The following PRDM16 variants were observed in gnomAD, a reference collection of about 807,000 sequenced individuals.
The protein encoded by PRDM16 is PR/SET domain 16, also known as histone-lysine N-methyltransferase PRDM16.
In PRDM16, 23 loss-of-function variants were observed where a neutral mutation model predicts 110.6. That is an observed-to-expected ratio of 0.21 (90% CI 0.15 to 0.29). PRDM16 has a LOEUF of 0.29. Ranked by LOEUF, PRDM16 falls within the 10% of genes least tolerant of loss-of-function variation. PRDM16 has a pLI of 1.00. For missense variants in PRDM16, 1,615 were observed against 1,794.3 expected, an observed-to-expected ratio of 0.90 and a Z score of 1.81; for synonymous variants, 799 against 781.8, an observed-to-expected ratio of 1.02 and a Z score of -0.37.
intron 2 of PRDM16, among the ~76,000 whole-genome samples, chr1:3,228,262 A>G (rs16823558): frequency 0.06 from 9,104 of 152,292 alleles, 502 homozygotes; most frequent in African/African-American, 0.15. Context: ...CACTCGCGAT[A>G]AACGAGACGC....
At chr1:3,391,782 C>T (rs752182034) in intron 4 of PRDM16, among the ~76,000 whole-genome samples, 1 of 152,380 alleles carries the variant, frequency 6.6e-6, no homozygotes, top group Admixed American at 6.5e-5. Flanking sequence ...CTCCTCCAGC[C>T]GCTCAGCACG....
chr1:3,181,728 A>ACG (rs1553141254), intron 1 of PRDM16, among the ~76,000 whole-genome samples: 2 of 90,134 alleles, frequency 2.2e-5, no homozygotes, highest in Admixed American at 2.6e-4. Flanking sequence ...AGTCTTACAC[A>ACG]CGGTCTTACA....
chr1:3,159,309 G>A (rs1040796813), intron 1 of PRDM16, among the ~76,000 whole-genome samples: 10 of 152,216 alleles, frequency 6.6e-5, no homozygotes, highest in African/African-American at 2.2e-4. Context: ...ATCACGATGC[G>A]CCTCGCAGAC....
At chr1:3,097,784 G>A (rs562624288) in intron 1 of PRDM16, among the ~76,000 whole-genome samples, 90 of 152,264 alleles carry the variant, frequency 5.9e-4, no homozygotes, top group Middle Eastern at 3.4e-3. Flanking sequence ...GGGAGGCAGC[G>A]CCTTCTGTTT....
intron 1 of PRDM16, among the ~76,000 whole-genome samples, chr1:3,083,326 C>G (rs6683976): frequency 0.55 from 84,075 of 152,134 alleles, 23,955 homozygotes; most frequent in East Asian, 0.65. Context: ...CTGTCCTGGA[C>G]TGGGCGGCGC....
Position 3,245,342 on chromosome 1 carries a change from C to T in PRDM16, c.438+1205C>T, listed in dbSNP as rs1216042815. Among the ~76,000 whole-genome samples, 1 of 152,176 alleles carries T rather than the reference C, an allele frequency of 6.6e-6. No individual in the cohort carries two copies. Among genetic ancestry groups the T allele is most frequent in the East Asian group, 1.9e-4 (1 of 5,184 alleles). On this transcript the variant is annotated intron_variant, in intron 3 of 16. Transcript: ENST00000270722. The surrounding 1 kb of genome is among the most constrained non-coding windows in gnomAD (Gnocchi z 4.7). ...GAGCCGAGGCATTTGGGCAGAGCTG[C>T]CTACGAGGGACAGGGGACCCACCAT... is the stretch of plus-strand genomic sequence containing the variant.
In PRDM16 at chr1:3,396,183, G is replaced by T. The variant is rs374664136; in HGVS notation, c.574-308G>T. The T allele has an allele frequency of 1.2e-4, 55 of 448,590 alleles. No individual in the cohort carries two copies. The East Asian group carries it at 3.1e-3, about 25-fold the overall frequency. The allele number at this position is 448,590 out of a possible 1,614,324, so 27.8% of individuals were successfully genotyped here. ...GAGAACCCACCCAGGTGGGCTCTTGGTGGAAGCGGGGCTCTGCTGTGCCCC... is the reference window on the plus strand; with the variant it reads ...GAGAACCCACCCAGGTGGGCTCTTGTTGGAAGCGGGGCTCTGCTGTGCCCC... On this transcript the variant is annotated intron_variant, in intron 4 of 16. Transcript: ENST00000270722.
intron 1 of PRDM16, among the ~76,000 whole-genome samples, chr1:3,097,026 G>T (rs533480164): frequency 6.6e-6 from 1 of 152,208 alleles, no homozygotes; most frequent in Non-Finnish European, 1.5e-5. Context: ...TGCAGCCATG[G>T]GTGCATCGGG....
At chr1:3,323,282 C>T (rs957779829) in intron 3 of PRDM16, among the ~76,000 whole-genome samples, 6 of 152,132 alleles carry the variant, frequency 3.9e-5, no homozygotes, top group Non-Finnish European at 5.9e-5. Flanking sequence ...ATCACCAAGA[C>T]GACGGTGAGA....
At chr1:3,232,911 G>C (rs955464232) in intron 2 of PRDM16, among the ~76,000 whole-genome samples, 1 of 151,252 alleles carries the variant, frequency 6.6e-6, no homozygotes, top group Non-Finnish European at 1.5e-5. Context: ...GGAGATCTAC[G>C]ACCCTTCTTA....
intron 1 of PRDM16, among the ~76,000 whole-genome samples, chr1:3,114,294 C>T (rs1188795181): frequency 5.7e-5 from 7 of 123,030 alleles, no homozygotes; most frequent in East Asian, 5.9e-4. Context: ...GCAGTGGAAA[C>T]GCACACGCAC....
chr1:3,181,846 A>ATT (rs1644209875), intron 1 of PRDM16, among the ~76,000 whole-genome samples: 1 of 65,696 alleles, frequency 1.5e-5, no homozygotes. Flanking sequence ...AGTCTTACAC[A>ATT]CGGTCTTACA....
chr1:3,071,678 G>A (rs1641765332), intron 1 of PRDM16, among the ~76,000 whole-genome samples: 1 of 152,218 alleles, frequency 6.6e-6, no homozygotes, highest in South Asian at 2.1e-4. Context: ...GAGGCGGTAG[G>A]GCCAGCACTC....
chr1:3,214,843 C>T (rs761647723), intron 2 of PRDM16, among the ~76,000 whole-genome samples: 2 of 152,098 alleles, frequency 1.3e-5, no homozygotes, highest in South Asian at 2.1e-4. Context: ...TGATCTTGAC[C>T]GTTGGGGAGC....
chr1:3,408,338 G>T (rs1643595793), intron 8 of PRDM16, among the ~76,000 whole-genome samples: 3 of 152,224 alleles, frequency 2.0e-5, no homozygotes, highest in African/African-American at 7.2e-5. Flanking sequence ...ACGTGTGTGT[G>T]CATGGGTGTA....
chr1:3,362,302 G>A (rs1156572008), intron 3 of PRDM16, among the ~76,000 whole-genome samples: 2 of 151,272 alleles, frequency 1.3e-5, no homozygotes, highest in Non-Finnish European at 2.9e-5. Flanking sequence ...GCGGGCACGT[G>A]GTGTGTATGC....
intron 3 of PRDM16, among the ~76,000 whole-genome samples, chr1:3,274,952 G>T (rs1640549106): frequency 6.6e-6 from 1 of 152,198 alleles, no homozygotes; most frequent in African/African-American, 2.4e-5. Context: ...GCACAGATAT[G>T]CTGGGAACTT....
At chr1:3,118,103 ATGTGTGTG>A (rs764459013) in intron 1 of PRDM16, among the ~76,000 whole-genome samples, 1 of 147,674 alleles carries the variant, frequency 6.8e-6, no homozygotes. Context: ...GTGTACATGC[ATGTGTGTG>A]TGCGTGTGCG....
intron 1 of PRDM16, among the ~76,000 whole-genome samples, chr1:3,181,526 G>GCAGCCTTACACA (rs1644185309): frequency 1.1e-4 from 1 of 9,218 alleles, no homozygotes; most frequent in African/African-American, 1.9e-4. Context: ...TCTTACACAA[G>GCAGCCTTACACA]CGGTCTTACA....
Sources: allele counts gnomAD v4.1 joint callset (sites outside exome capture counted in the v4.1 genomes callset), GRCh38; gene constraint gnomAD v4.1.1; non-coding constraint Gnocchi (gnomAD v3.1); transcripts MANE v1.5; gene names NCBI Gene and HGNC (gene_info 2026-07-23, HGNC 2026-07-21).